DNAH5: variants seen among roughly 807,000 people sequenced by gnomAD.
DNAH5 encodes dynein axonemal heavy chain 5, also known as axonemal beta dynein heavy chain 5.
A neutral mutation model predicts 518.2 loss-of-function variants in DNAH5; 372 were observed. The ratio of observed to expected loss-of-function variants is 0.72; its 90% CI spans 0.66 to 0.78. DNAH5 has a LOEUF of 0.78. Among genes scored for constraint, DNAH5 ranks in the 30% least tolerant of loss-of-function variants. The pLI is 0.00. For synonymous variants in DNAH5, 2,039 were observed against 2,025.9 expected (o/e 1.01, Z -0.17); for missense variants, 5,523 against 5,687.0 (o/e 0.97, Z 0.93).
chr5:13,998,228 C>T (rs1315624337), intron 1 of DNAH5, among the ~76,000 whole-genome samples: 2 of 152,194 alleles, frequency 1.3e-5, no homozygotes, highest in Non-Finnish European at 2.9e-5. Flanking sequence ...CTCTCTGTTC[C>T]ATCCATGGCA....
At chr5:13,842,435 G>GAA (rs1491149648) in intron 32 of DNAH5, among the ~76,000 whole-genome samples, 1 of 70,060 alleles carries the variant, frequency 1.4e-5, no homozygotes, top group Non-Finnish European at 2.9e-5. Flanking sequence ...AAGAAAGAAA[G>GAA]AAAGAAAGAA....
intron 58 of DNAH5, among the ~76,000 whole-genome samples, chr5:13,766,570 G>A (rs1025179733): frequency 6.6e-6 from 1 of 152,210 alleles, no homozygotes; most frequent in African/African-American, 2.4e-5. Flanking sequence ...TATTAGCTAT[G>A]TAGGTCAAGA....
intron 21 of DNAH5, among the ~76,000 whole-genome samples, chr5:13,878,344 G>C (rs572543884): frequency 6.6e-6 from 1 of 152,272 alleles, no homozygotes; most frequent in Admixed American, 6.5e-5. Flanking sequence ...ACTACCAGGG[G>C]CTACACCCCC....
At chr5:13,977,731 C>G (rs1467528046) in intron 1 of DNAH5, among the ~76,000 whole-genome samples, 2 of 152,118 alleles carry the variant, frequency 1.3e-5, no homozygotes, top group Non-Finnish European at 2.9e-5. Flanking sequence ...GATCCAATCC[C>G]AAATGGGATC....
chr5:13,984,516 T>A (rs1782898985), intron 1 of DNAH5, among the ~76,000 whole-genome samples: 1 of 152,198 alleles, frequency 6.6e-6, no homozygotes, highest in Non-Finnish European at 1.5e-5. Flanking sequence ...TGAATACCCT[T>A]TATTTCTTTC....
chr5:13,748,553 G>C (rs6896875), intron 65 of DNAH5, among the ~76,000 whole-genome samples: 38 of 151,900 alleles, frequency 2.5e-4, no homozygotes, highest in African/African-American at 8.2e-4. Flanking sequence ...CTTTTATTTC[G>C]TTTAGCAGTG....
rs778984269 is a variant in DNAH5 at position 13,923,436 on chromosome 5, T to C, written c.282A>G (p.Gln94=). The stretch of plus-strand genomic sequence containing the variant: ...GATTTACCCCTCCTAGAGAGCCAAG[T>C]TGTCCTACAAAAGCAAAATAATTTT... The part of the protein sequence containing the change: ...YQDVEEAETG[Q]LGSLGGVNLV... The change falls in exon 4 of 79, where the codon CAA becomes CAG. Residue 94 remains glutamine, a synonymous_variant. Coordinates refer to ENST00000265104, the MANE Select transcript of DNAH5 (RefSeq NM_001369.3). 15 of 1,614,070 alleles carry C rather than the reference T, an allele frequency of 9.3e-6. No individual in the cohort carries two copies. Among genetic ancestry groups the C allele is most frequent in the Non-Finnish European group, 1.3e-5 (15 of 1,179,978 alleles).
chr5:13,952,298 C>T (rs1780478182), intron 1 of DNAH5, among the ~76,000 whole-genome samples: 1 of 152,238 alleles, frequency 6.6e-6, no homozygotes, highest in Non-Finnish European at 1.5e-5. Flanking sequence ...CAGAAAACTC[C>T]TGATTACAAG....
At chr5:13,863,957 G>C (rs1368530746) in intron 28 of DNAH5, among the ~76,000 whole-genome samples, 2 of 152,100 alleles carry the variant, frequency 1.3e-5, no homozygotes, top group African/African-American at 4.8e-5. Context: ...TGCACCATCT[G>C]CCTGGAATGG....
intron 1 of DNAH5, among the ~76,000 whole-genome samples, chr5:14,002,242 C>A (rs1393473232): frequency 6.6e-6 from 1 of 152,046 alleles, no homozygotes. Flanking sequence ...TGAAAAAAAT[C>A]AGTTAGAAAA....
intron 15 of DNAH5, chr5:13,897,938 T>C (rs1774117989): frequency 6.6e-6 from 1 of 152,274 alleles, no homozygotes; most frequent in Non-Finnish European, 1.5e-5. Context: ...TATTGTTCAC[T>C]GTAGCGCTTG....
Position 13,944,368 on chromosome 5 carries a change from C to A in DNAH5, c.57+14G>T, listed in dbSNP as rs756464306. ...CAAAACACACATGCAAAGGTACAGA[C>A]AACAGCACCTTACCGTTAAAACTCG... On this transcript the variant is annotated intron_variant, in intron 1 of 78. Coordinates refer to ENST00000265104, the MANE Select transcript of DNAH5 (RefSeq NM_001369.3). The A allele has an allele frequency of 1.7e-5, 27 of 1,612,026 alleles. No homozygotes were observed. Among genetic ancestry groups the A allele is most frequent in the Non-Finnish European group, 1.6e-5 (19 of 1,178,332 alleles).
At chr5:13,884,684 A>T (rs967314342) in intron 19 of DNAH5, among the ~76,000 whole-genome samples, 52 of 152,332 alleles carry the variant, frequency 3.4e-4, no homozygotes, top group African/African-American at 1.3e-3. Context: ...TAAAATACAA[A>T]AAATTAGCCA....
At chr5:13,773,351 T>A (rs184307522) in intron 55 of DNAH5, among the ~76,000 whole-genome samples, 38 of 152,262 alleles carry the variant, frequency 2.5e-4, no homozygotes, top group African/African-American at 5.3e-4. Context: ...ATGTGATGTA[T>A]CTTGATTAAG....
rs750891441 is a variant in DNAH5 at position 13,753,456 on chromosome 5, A to C, written c.10649T>G (p.Met3550Arg). ...TCCAAATGGAATTTTCCGGGCTTTC[A>C]TTTCCTTCCGCCAGTCATTTAACAG... ...DLLLNDWRKE[M>R]KARKIPFGKN... Residue 3550 changes from methionine (M) to arginine (R), a missense_variant, in exon 63 of 79, where the codon ATG becomes AGG. Met to Arg is a moderately conservative substitution (Grantham distance 91). Coordinates refer to ENST00000265104, the MANE Select transcript of DNAH5 (RefSeq NM_001369.3). The C allele has an allele frequency of 1.2e-6, 2 of 1,614,040 alleles. No homozygotes were observed. Among genetic ancestry groups the C allele is most frequent in the Non-Finnish European group, 1.7e-6 (2 of 1,179,952 alleles).
At chr5:13,830,246 AG>A in intron 36 of DNAH5, 33 bp from the exon 37 acceptor site, 1 of 1,587,904 alleles carries the variant, frequency 6.3e-7, no homozygotes, top group Non-Finnish European at 8.6e-7. Flanking sequence ...AAATCCAATT[AG>A]TATATAATTT....
rs200327229 is a variant in DNAH5, at chr5:13,931,101, G to T, written c.192+9C>A. 2.4e-5 allele frequency: 38 copies of T among 1,614,034 alleles called. No homozygotes were observed. The highest frequency in any genetic ancestry group is 3.0e-5 in the Non-Finnish European group (35 of 1,179,936). ...TCATCAAGTCAGTGAGAAGTGAAAC[G>T]CATCCCACCTGATTCCCTTCAAGAA... On this transcript the variant is annotated intron_variant, in intron 2 of 78. Coordinates refer to ENST00000265104, the MANE Select transcript of DNAH5 (RefSeq NM_001369.3).
At chr5:13,804,793 A>G (rs1018538952) in intron 47 of DNAH5, among the ~76,000 whole-genome samples, 2 of 152,234 alleles carry the variant, frequency 1.3e-5, no homozygotes, top group Admixed American at 1.3e-4. Flanking sequence ...ATATTTGAAT[A>G]TGGTACCACT....
At chr5:13,784,550 G>A (rs1755673053) in intron 52 of DNAH5, among the ~76,000 whole-genome samples, 2 of 152,076 alleles carry the variant, frequency 1.3e-5, no homozygotes. Flanking sequence ...TTTCTTTCTT[G>A]CAGGGAAAAG....
Sources: gnomAD v4.1 joint callset for allele counts (sites outside exome capture counted in the v4.1 genomes callset) on GRCh38, gnomAD v4.1.1 for gene constraint, MANE v1.5 for transcripts, NCBI Gene and HGNC (gene_info 2026-07-23, HGNC 2026-07-21) for gene names.